KCNH7: variants seen among roughly 807,000 people sequenced by gnomAD.
The protein encoded by KCNH7 is potassium voltage-gated channel subfamily H member 7.
Under a neutral mutation model 120.8 loss-of-function variants are expected in KCNH7, and 49 were observed. The observed-to-expected ratio is 0.41, with a 90% CI of 0.32 to 0.51. The LOEUF (loss-of-function observed/expected upper bound fraction) is 0.51. KCNH7 is among the 20% of genes least tolerant of loss of function. The pLI, the probability that KCNH7 is intolerant of heterozygous loss-of-function variation, is 0.38. For missense variants in KCNH7, 1,097 were observed against 1,446.6 expected (o/e 0.76, Z 3.92); for synonymous variants, 547 against 516.1 (o/e 1.06, Z -0.81).
chr2:162,374,915 A>C (rs1444605931), intron 14 of KCNH7, among the ~76,000 whole-genome samples: 1 of 152,156 alleles, frequency 6.6e-6, no homozygotes, highest in East Asian at 1.9e-4. Context: ...GGAAAAATTG[A>C]GTTATCAACT....
chr2:162,375,419 T>C (rs1686128946), intron 14 of KCNH7, among the ~76,000 whole-genome samples: 1 of 152,204 alleles, frequency 6.6e-6, no homozygotes, highest in Non-Finnish European at 1.5e-5. Context: ...GAATAGTGTC[T>C]ATGAGGAAAA....
intron 3 of KCNH7, among the ~76,000 whole-genome samples, chr2:162,535,537 C>T (rs997485457): frequency 3.7e-4 from 56 of 151,466 alleles, no homozygotes; most frequent in African/African-American, 1.2e-3. Context: ...CTGAAAGACA[C>T]GAAAATTAGA....
intron 2 of KCNH7, among the ~76,000 whole-genome samples, chr2:162,568,306 A>G (rs1015086414): frequency 6.6e-6 from 1 of 152,044 alleles, no homozygotes; most frequent in Non-Finnish European, 1.5e-5. Context: ...GGGTACAGAC[A>G]TAAAGCCAAA....
At chr2:162,636,101 T>C (rs1559056338) in intron 2 of KCNH7, among the ~76,000 whole-genome samples, 1 of 152,230 alleles carries the variant, frequency 6.6e-6, no homozygotes, top group East Asian at 1.9e-4. Flanking sequence ...CCCTTCCAAA[T>C]TGATGTTCAA....
chr2:162,631,978 T>A (rs927133979), intron 2 of KCNH7, among the ~76,000 whole-genome samples: 6 of 151,842 alleles, frequency 4.0e-5, no homozygotes, highest in African/African-American at 1.5e-4. Context: ...TGCTACCAAA[T>A]GTAAGGGAAA....
intron 8 of KCNH7, among the ~76,000 whole-genome samples, chr2:162,424,329 T>A (rs1255394597): frequency 1.3e-5 from 2 of 152,220 alleles, no homozygotes; most frequent in Admixed American, 1.3e-4. Context: ...TTACACTAAA[T>A]CTTCATGATT....
intron 10 of KCNH7, among the ~76,000 whole-genome samples, chr2:162,398,372 G>A (rs374981913): frequency 6.6e-5 from 10 of 151,812 alleles, no homozygotes; most frequent in East Asian, 5.9e-4. Context: ...TCTTAACTAC[G>A]TAAGAAAAAT....
chr2:162,456,436 G>A (rs569277634), intron 6 of KCNH7, among the ~76,000 whole-genome samples: 7 of 151,846 alleles, frequency 4.6e-5, no homozygotes, highest in Admixed American at 6.6e-5. Context: ...TTATGTGGTC[G>A]ATTTTAGAAT....
intron 3 of KCNH7, among the ~76,000 whole-genome samples, chr2:162,520,243 T>A (rs573667450): frequency 6.7e-6 from 1 of 148,596 alleles, no homozygotes; most frequent in Non-Finnish European, 1.5e-5. Flanking sequence ...TTCTAGATAC[T>A]GTTCTCTCTC....
At chr2:162,485,987 C>T (rs1463030246) in intron 6 of KCNH7, among the ~76,000 whole-genome samples, 1 of 152,068 alleles carries the variant, frequency 6.6e-6, no homozygotes, top group East Asian at 1.9e-4. Context: ...GATAATGGCA[C>T]AGAAATTTGT....
chr2:162,634,342 A>G (rs912357262), intron 2 of KCNH7, among the ~76,000 whole-genome samples: 6 of 152,046 alleles, frequency 3.9e-5, no homozygotes, highest in African/African-American at 1.4e-4. Context: ...AGGTCCTGGT[A>G]GAAGGGCATG....
chr2:162,553,719 T>C (rs920419041), intron 2 of KCNH7, among the ~76,000 whole-genome samples: 1 of 152,110 alleles, frequency 6.6e-6, no homozygotes, highest in African/African-American at 2.4e-5. Context: ...GGAAACTAAC[T>C]AGAAACAAAA....
At chr2:162,472,710 A>G (rs959328040) in intron 6 of KCNH7, among the ~76,000 whole-genome samples, 23 of 152,196 alleles carry the variant, frequency 1.5e-4, no homozygotes, top group African/African-American at 5.5e-4. Context: ...AACTAGAAAT[A>G]CCATTTGACC....
chr2:162,422,218 C>A (rs76132999), intron 9 of KCNH7, among the ~76,000 whole-genome samples: 3,139 of 152,138 alleles, frequency 0.021, 218 homozygotes, highest in Admixed American at 0.15. Flanking sequence ...TAAACTTATC[C>A]ATATATAAAT....
intron 2 of KCNH7, among the ~76,000 whole-genome samples, chr2:162,705,738 A>C (rs1351952362): frequency 6.6e-6 from 1 of 152,102 alleles, no homozygotes; most frequent in East Asian, 1.9e-4. Flanking sequence ...GCCTTTACCC[A>C]TCTAAATCCT....
intron 2 of KCNH7, among the ~76,000 whole-genome samples, chr2:162,628,490 T>C (rs531604425): frequency 6.6e-6 from 1 of 152,118 alleles, no homozygotes; most frequent in African/African-American, 2.4e-5. Context: ...GTTTGTTACA[T>C]AGGTAAACTT....
intron 2 of KCNH7, among the ~76,000 whole-genome samples, chr2:162,577,394 T>TATCTATCTATCC (rs1479043426): frequency 2.7e-5 from 4 of 147,612 alleles, no homozygotes; most frequent in East Asian, 4.0e-4. Flanking sequence ...TCTATCTATC[T>TATCTATCTATCC]ATCCATCTAT....
Position 162,828,640 on chromosome 2 carries a change from A to C in KCNH7, c.307+7897T>G, listed in dbSNP as rs77453456. On this transcript the variant is annotated intron_variant, in intron 2 of 15. Transcript: ENST00000332142. ...AGAAAAAGGAAACAATAAAACCCAC[A>C]ATGGTGAAAGTCCACTTGCTGTTAC... Among the ~76,000 whole-genome samples, 867 of 152,268 alleles carry C rather than the reference A, an allele frequency of 5.7e-3. 9 individuals carry two copies. The highest frequency in any genetic ancestry group is 0.02 in the African/African-American group (827 of 41,558).
intron 7 of KCNH7, among the ~76,000 whole-genome samples, chr2:162,443,656 A>T (rs1280612425): frequency 6.6e-6 from 1 of 152,170 alleles, no homozygotes; most frequent in Non-Finnish European, 1.5e-5. Context: ...CCTGCATCAC[A>T]ACATGTGGTC....
Sources: gnomAD v4.1 joint callset for allele counts (sites outside exome capture counted in the v4.1 genomes callset) on GRCh38, gnomAD v4.1.1 for gene constraint, MANE v1.5 for transcripts, NCBI Gene and HGNC (gene_info 2026-07-23, HGNC 2026-07-21) for gene names.